SUGCT: variants seen among roughly 807,000 people sequenced by gnomAD.
SUGCT encodes succinyl-CoA:glutarate CoA-transferase.
In SUGCT, 41 loss-of-function variants were observed where a neutral mutation model predicts 55.0. The observed-to-expected ratio is 0.74, with a 90% CI of 0.58 to 0.97. The LOEUF is 0.97. Among genes scored for constraint, SUGCT ranks in the 50% least tolerant of loss-of-function variants. SUGCT has a pLI of 0.00. For missense variants in SUGCT, 568 were observed against 547.8 expected, an observed-to-expected ratio of 1.04 and a Z score of -0.37; for synonymous variants, 187 against 200.4, an observed-to-expected ratio of 0.93 and a Z score of 0.56.
intron 11 of SUGCT, among the ~76,000 whole-genome samples, chr7:40,493,694 T>A (rs1438589280): frequency 2.0e-5 from 3 of 152,218 alleles, no homozygotes; most frequent in African/African-American, 7.2e-5. Flanking sequence ...CTAAGCTGGA[T>A]CTGAGGACAT....
chr7:40,569,442 G>T (rs1308727768), intron 12 of SUGCT, among the ~76,000 whole-genome samples: 1 of 152,058 alleles, frequency 6.6e-6, no homozygotes, highest in Non-Finnish European at 1.5e-5. Flanking sequence ...GCACATCTCC[G>T]CAGGAACTAG....
chr7:40,423,510 T>G (rs1195057082), intron 9 of SUGCT, among the ~76,000 whole-genome samples: 1 of 152,178 alleles, frequency 6.6e-6, no homozygotes, highest in Non-Finnish European at 1.5e-5. Flanking sequence ...AAAATCTTTT[T>G]CCAAATGGTC....
the SUGCT span, among the ~76,000 whole-genome samples, chr7:40,953,415 G>T: frequency 1.3e-5 from 2 of 152,102 alleles, no homozygotes; most frequent in South Asian, 2.1e-4. Context: ...CTTTAGCTTG[G>T]AGACGTTTGA....
At chr7:40,807,765 C>T (rs975783731) in intron 13 of SUGCT, among the ~76,000 whole-genome samples, 2 of 152,130 alleles carry the variant, frequency 1.3e-5, no homozygotes, top group African/African-American at 2.4e-5. Flanking sequence ...CTCACACGAT[C>T]ACAAGGTGAG....
At chr7:40,694,853 C>G (rs1389665037) in intron 12 of SUGCT, among the ~76,000 whole-genome samples, 2 of 152,178 alleles carry the variant, frequency 1.3e-5, no homozygotes, top group East Asian at 3.9e-4. Flanking sequence ...GACTACCTTT[C>G]TTCTAGAAGT....
chr7:40,205,169 C>T (rs988089906), intron 6 of SUGCT, among the ~76,000 whole-genome samples: 3 of 151,360 alleles, frequency 2.0e-5, no homozygotes, highest in African/African-American at 2.4e-5. Context: ...GCAGGAGAAT[C>T]GCTTGAACCC....
At chr7:40,172,927 G>A (rs1192184147) in intron 1 of SUGCT, among the ~76,000 whole-genome samples, 1 of 152,192 alleles carries the variant, frequency 6.6e-6, no homozygotes, top group South Asian at 2.1e-4. Flanking sequence ...TCTAAGGAAG[G>A]ATAGGAGAGA....
chr7:40,857,841 A>C (rs1180378349), intron 13 of SUGCT, among the ~76,000 whole-genome samples: 1 of 152,172 alleles, frequency 6.6e-6, no homozygotes, highest in East Asian at 1.9e-4. Context: ...TTTGGGAGGA[A>C]TGAGGAGAAG....
At chr7:40,848,715 C>G (rs1793705048) in intron 13 of SUGCT, among the ~76,000 whole-genome samples, 1 of 152,268 alleles carries the variant, frequency 6.6e-6, no homozygotes, top group Admixed American at 6.5e-5. Context: ...GTGGTACATA[C>G]CACAGGATGC....
intron 6 of SUGCT, among the ~76,000 whole-genome samples, chr7:40,223,048 T>TCCAC (rs1383360186): frequency 1.3e-5 from 2 of 150,002 alleles, no homozygotes; most frequent in East Asian, 3.9e-4. Flanking sequence ...CTTCCATCCA[T>TCCAC]CCACCCATCC....
chr7:40,862,565 A>G (rs571166903), downstream of SUGCT, among the ~76,000 whole-genome samples: 1 of 152,260 alleles, frequency 6.6e-6, no homozygotes, highest in African/African-American at 2.4e-5. Context: ...CATTCCTGAA[A>G]CAGAGCACAC....
At chr7:40,986,001 G>A in the SUGCT span, among the ~76,000 whole-genome samples, 1 of 152,020 alleles carries the variant, frequency 6.6e-6, no homozygotes, top group Non-Finnish European at 1.5e-5. Flanking sequence ...CTTTTACTAG[G>A]CTGAAATGTT....
intron 12 of SUGCT, among the ~76,000 whole-genome samples, chr7:40,549,260 T>C (rs1341528056): frequency 1.3e-5 from 2 of 152,220 alleles, no homozygotes; most frequent in Non-Finnish European, 2.9e-5. Flanking sequence ...AAGGGAGACT[T>C]TTATGTGTTA....
At chr7:40,284,999 A>G (rs1793224200) in intron 8 of SUGCT, among the ~76,000 whole-genome samples, 1 of 152,154 alleles carries the variant, frequency 6.6e-6, no homozygotes, top group Admixed American at 6.6e-5. Flanking sequence ...GGCATTGCAT[A>G]TTTTTATATG....
chr7:40,333,562 G>A (rs563809340), intron 9 of SUGCT, among the ~76,000 whole-genome samples: 54 of 141,524 alleles, frequency 3.8e-4, no homozygotes, highest in Middle Eastern at 4.3e-3. Context: ...GCTTGATCCC[G>A]GGAGGTGGAG....
chr7:40,432,685 CAAAAAAAA>C (rs61055999), intron 9 of SUGCT, among the ~76,000 whole-genome samples: 1 of 115,696 alleles, frequency 8.6e-6, no homozygotes, highest in African/African-American at 3.2e-5. Context: ...GACTCCCTCT[CAAAAAAAA>C]AAAAAAAAAA....
chr7:40,277,504 G>C (rs1792594921), intron 8 of SUGCT, among the ~76,000 whole-genome samples: 1 of 152,034 alleles, frequency 6.6e-6, no homozygotes, highest in African/African-American at 2.4e-5. Context: ...CCACTGTGCT[G>C]AGCAAGAGTT....
intron 12 of SUGCT, among the ~76,000 whole-genome samples, chr7:40,708,028 A>G (rs1305692022): frequency 6.6e-6 from 1 of 152,178 alleles, no homozygotes; most frequent in Non-Finnish European, 1.5e-5. Flanking sequence ...TAATATTTAT[A>G]TACTTTGAAT....
At chr7:40,823,385 G>A (rs1438479702) in intron 13 of SUGCT, among the ~76,000 whole-genome samples, 1 of 151,846 alleles carries the variant, frequency 6.6e-6, no homozygotes, top group Non-Finnish European at 1.5e-5. Context: ...GAAGCACTGA[G>A]ATTTTTTTTT....
Sources: allele counts gnomAD v4.1 joint callset (sites outside exome capture counted in the v4.1 genomes callset), GRCh38; gene constraint gnomAD v4.1.1; transcripts MANE v1.5; gene names NCBI Gene and HGNC (gene_info 2026-07-23, HGNC 2026-07-21).